The following SEMA5A variants were observed in gnomAD, a reference collection of about 807,000 sequenced individuals.
SEMA5A encodes semaphorin 5A, also known as semaphorin-5A.
SEMA5A carries 55 observed loss-of-function variants against 135.5 expected under a neutral mutation model. That is an observed-to-expected ratio of 0.41 (90% CI 0.33 to 0.51). The LOEUF is 0.51. SEMA5A is among the 20% of genes least tolerant of loss of function. The probability of loss-of-function intolerance (pLI) is 0.37; values close to 1 mark genes in which losing one functional copy is unlikely to be tolerated. For synonymous variants in SEMA5A, 580 were observed against 546.5 expected (o/e 1.06, Z -0.85); for missense variants, 1,290 against 1,419.9 (o/e 0.91, Z 1.47).
chr5:9,165,447 A>G (rs761554713), intron 11 of SEMA5A, among the ~76,000 whole-genome samples: 2 of 152,200 alleles, frequency 1.3e-5, no homozygotes, highest in Non-Finnish European at 2.9e-5. Context: ...GTATTTTTAA[A>G]ATTATTCAGC....
chr5:9,532,560 T>A (rs1229673898), intron 1 of SEMA5A, among the ~76,000 whole-genome samples: 1 of 151,924 alleles, frequency 6.6e-6, no homozygotes, highest in Non-Finnish European at 1.5e-5. Context: ...AGTGCTGGGA[T>A]TACAGGCATG....
chr5:9,151,258 C>T (rs1742620461), intron 12 of SEMA5A, among the ~76,000 whole-genome samples: 1 of 152,104 alleles, frequency 6.6e-6, no homozygotes, highest in African/African-American at 2.4e-5. Context: ...GGAAAAAAGA[C>T]TCAAGAAAAT....
intron 1 of SEMA5A, among the ~76,000 whole-genome samples, chr5:9,532,640 A>G (rs543282848): frequency 6.6e-6 from 1 of 152,224 alleles, no homozygotes; most frequent in South Asian, 2.1e-4. Context: ...AAATGTAAAT[A>G]TAATTCTTTC....
chr5:9,080,970 C>G (rs1400557830), intron 16 of SEMA5A, among the ~76,000 whole-genome samples: 1 of 152,160 alleles, frequency 6.6e-6, no homozygotes, highest in Non-Finnish European at 1.5e-5. Context: ...TAGTCACCCT[C>G]TTAATCAGGT....
intron 5 of SEMA5A, among the ~76,000 whole-genome samples, chr5:9,300,084 T>G (rs1751537903): frequency 6.6e-6 from 1 of 152,182 alleles, no homozygotes; most frequent in African/African-American, 2.4e-5. Context: ...TGGGGTGCAC[T>G]GGCACTATCA....
At chr5:9,233,692 A>G (rs934769033) in intron 6 of SEMA5A, among the ~76,000 whole-genome samples, 2 of 152,206 alleles carry the variant, frequency 1.3e-5, no homozygotes, top group Non-Finnish European at 2.9e-5. Context: ...GTGAAATCAT[A>G]TCTGTGTCTG....
rs530474952 is a variant in SEMA5A at position 9,353,757 on chromosome 5, G to A, written c.125-15945C>T. 5.3e-5 allele frequency among the ~76,000 whole-genome samples: 8 copies of A among 152,024 alleles called. No homozygotes were observed. The South Asian group carries it at 6.3e-4, about 12-fold the overall frequency. On this transcript the variant is annotated intron_variant, in intron 3 of 22. Transcript: ENST00000382496. ...ATTTTCTACACTTTCACACAAAATC[G>A]TTTTGAAACTCCAGCTAATTACTAT...
At chr5:9,395,345 C>T (rs767425789) in intron 2 of SEMA5A, among the ~76,000 whole-genome samples, 9 of 152,098 alleles carry the variant, frequency 5.9e-5, no homozygotes, top group African/African-American at 1.7e-4. Context: ...CCAAACTGAA[C>T]GTGAAATCTT....
chr5:9,393,151 C>G (rs756328551), intron 2 of SEMA5A, among the ~76,000 whole-genome samples: 2 of 152,126 alleles, frequency 1.3e-5, no homozygotes, highest in Non-Finnish European at 2.9e-5. Flanking sequence ...GAAAAGTAAC[C>G]CCCAAGTGTG....
chr5:9,415,276 C>T (rs1757244524), intron 2 of SEMA5A, among the ~76,000 whole-genome samples: 1 of 152,112 alleles, frequency 6.6e-6, no homozygotes, highest in African/African-American at 2.4e-5. Context: ...AGCTTTGTAC[C>T]ATTCCTGGGA....
chr5:9,503,030 A>G (rs1466705646), intron 1 of SEMA5A, among the ~76,000 whole-genome samples: 1 of 152,344 alleles, frequency 6.6e-6, no homozygotes, highest in Non-Finnish European at 1.5e-5. Flanking sequence ...TGTCCAAATA[A>G]TGATAGCACA....
chr5:9,086,426 A>G (rs903438926), intron 16 of SEMA5A, among the ~76,000 whole-genome samples: 5 of 151,964 alleles, frequency 3.3e-5, no homozygotes, highest in Non-Finnish European at 7.4e-5. Flanking sequence ...CATGATAGTG[A>G]TAAGTCTCAC....
chr5:9,342,623 A>T (rs1309312485), intron 3 of SEMA5A, among the ~76,000 whole-genome samples: 1 of 152,216 alleles, frequency 6.6e-6, no homozygotes, highest in Non-Finnish European at 1.5e-5. Flanking sequence ...TGCATATCAC[A>T]GCCTACTTCT....
At chr5:9,458,000 C>T (rs940917984) in intron 1 of SEMA5A, among the ~76,000 whole-genome samples, 7 of 149,446 alleles carry the variant, frequency 4.7e-5, no homozygotes, top group East Asian at 4.0e-4. Context: ...CTCCGCCTCC[C>T]GGGTTCATGC....
At chr5:9,332,061 G>A (rs1163179943) in intron 4 of SEMA5A, among the ~76,000 whole-genome samples, 1 of 152,148 alleles carries the variant, frequency 6.6e-6, no homozygotes, top group African/African-American at 2.4e-5. Flanking sequence ...GGTGTGCAAG[G>A]CGTGCAGTTA....
intron 16 of SEMA5A, among the ~76,000 whole-genome samples, chr5:9,087,089 A>G (rs1738739295): frequency 6.6e-6 from 1 of 152,198 alleles, no homozygotes; most frequent in Non-Finnish European, 1.5e-5. Context: ...TATCAAGGGA[A>G]CAGCCAGATA....
intron 5 of SEMA5A, among the ~76,000 whole-genome samples, chr5:9,267,245 C>A (rs577403484): frequency 3.6e-4 from 55 of 152,170 alleles, no homozygotes; most frequent in African/African-American, 1.2e-3. Flanking sequence ...ACTTTGCAGG[C>A]TTCTGGGTTT....
chr5:9,531,209 G>A (rs899283948), intron 1 of SEMA5A, among the ~76,000 whole-genome samples: 1 of 152,192 alleles, frequency 6.6e-6, no homozygotes, highest in Admixed American at 6.5e-5. Context: ...CAAGGTCCTA[G>A]AGAGGTGACC....
At chr5:9,329,737 C>CATTT (rs750738177) in intron 4 of SEMA5A, among the ~76,000 whole-genome samples, 1 of 152,126 alleles carries the variant, frequency 6.6e-6, no homozygotes, top group Non-Finnish European at 1.5e-5. Flanking sequence ...AGCCTTTGTA[C>CATTT]ATTTATTTAT....
Sources: gnomAD v4.1 joint callset for allele counts (sites outside exome capture counted in the v4.1 genomes callset) on GRCh38, gnomAD v4.1.1 for gene constraint, MANE v1.5 for transcripts, NCBI Gene and HGNC (gene_info 2026-07-23, HGNC 2026-07-21) for gene names.